Variants in UTP20 observed in about 807,000 individuals in gnomAD.
UTP20 encodes the protein UTP20 small subunit processome component.
In UTP20, 164 loss-of-function variants were observed where a neutral mutation model predicts 329.5. The ratio of observed to expected loss-of-function variants is 0.50; its 90% CI spans 0.44 to 0.57. The LOEUF (loss-of-function observed/expected upper bound fraction) is 0.57, where lower values mean the gene tolerates loss of function less well. Among genes scored for constraint, UTP20 ranks in the 20% least tolerant of loss-of-function variants. UTP20 has a pLI of 0.00. For synonymous variants in UTP20, 1,151 were observed against 1,159.3 expected, an observed-to-expected ratio of 0.99 and a Z score of 0.14; for missense variants, 3,055 against 3,284.2, an observed-to-expected ratio of 0.93 and a Z score of 1.71.
rs774350834 is a variant in UTP20, at chr12:101,305,944, T to A, written c.1811T>A (p.Leu604Gln). Residue 604 changes from leucine (L) to glutamine (Q), a missense_variant, in exon 16 of 62, where the codon CTG becomes CAG. Coordinates refer to ENST00000261637, the MANE Select transcript of UTP20 (RefSeq NM_014503.3). Reference sequence around the variant, plus strand: ...TTTCCCCTGGAGCCATCTGTGTTGCTGTTGACTGATCTCTATTATCAGAGA... The same window carrying A: ...TTTCCCCTGGAGCCATCTGTGTTGCAGTTGACTGATCTCTATTATCAGAGA... ...LTFPLEPSVLLLTDLYYQRLA... is the reference protein window; with the variant it reads ...LTFPLEPSVLQLTDLYYQRLA... 2 of 1,612,304 alleles carry A rather than the reference T, an allele frequency of 1.2e-6. No homozygotes were observed. Among genetic ancestry groups the A allele is most frequent in the South Asian group, 2.2e-5 (2 of 90,818 alleles).
chr12:101,360,722 G>A (rs1369042781), intron 43 of UTP20, among the ~76,000 whole-genome samples: 3 of 152,022 alleles, frequency 2.0e-5, no homozygotes, highest in East Asian at 1.9e-4. Flanking sequence ...CCAGCTACTC[G>A]GGAGGCTGAG....
intron 27 of UTP20, among the ~76,000 whole-genome samples, chr12:101,332,192 C>T (rs978985716): frequency 2.6e-5 from 4 of 151,844 alleles, no homozygotes; most frequent in Admixed American, 6.6e-5. Flanking sequence ...ACAAAATGAA[C>T]GGGGCGTGGT....
intron 23 of UTP20, among the ~76,000 whole-genome samples, chr12:101,319,921 T>C (rs1340337588): frequency 6.6e-6 from 1 of 152,200 alleles, no homozygotes; most frequent in Non-Finnish European, 1.5e-5. Flanking sequence ...GGAAATTAGC[T>C]TTTAGAAGGG....
At chr12:101,305,681 G>T (rs1337330557) in intron 15 of UTP20, among the ~76,000 whole-genome samples, 1 of 151,034 alleles carries the variant, frequency 6.6e-6, no homozygotes, top group Non-Finnish European at 1.5e-5. Flanking sequence ...TTGGAGTCTA[G>T]CATATTCTGC....
chr12:101,282,490 G>A (rs1325604794), intron 2 of UTP20, among the ~76,000 whole-genome samples: 1 of 152,042 alleles, frequency 6.6e-6, no homozygotes, highest in African/African-American at 2.4e-5. Context: ...ATGGTGACTG[G>A]GATGGGGCAA....
In UTP20 at chr12:101,339,887, C is replaced by T. The variant is rs549221299; in HGVS notation, c.4014-636C>T. Among the ~76,000 whole-genome samples, 12 of 152,290 alleles carry T rather than the reference C, an allele frequency of 7.9e-5. No homozygotes were observed. In the South Asian group the frequency reaches 2.5e-3, roughly 32 times the overall value. ...ATATGTTCGAATCCTCTAGAAACTT[C>T]TTTGCAATGCATTTTAAAATACTAT... is the stretch of plus-strand genomic sequence containing the variant. On this transcript the variant is annotated intron_variant, in intron 31 of 61. Coordinates refer to ENST00000261637, the MANE Select transcript of UTP20 (RefSeq NM_014503.3).
chr12:101,313,424 T>C (rs1184589616), intron 21 of UTP20, among the ~76,000 whole-genome samples: 1 of 151,890 alleles, frequency 6.6e-6, no homozygotes, highest in Non-Finnish European at 1.5e-5. Context: ...TTTGGTGAAA[T>C]GAGAAGCCAT....
At position 101,365,535 on chromosome 12, in the gene UTP20, T is replaced by C; in HGVS notation, c.6035T>C (p.Ile2012Thr). 1.9e-6 allele frequency: 3 copies of C among 1,613,264 alleles called. No individual in the cohort carries two copies. The highest frequency in any genetic ancestry group is 2.5e-6 in the Non-Finnish European group (3 of 1,179,724). Residue 2012 changes from isoleucine to threonine, a missense_variant, in exon 46 of 62, where the codon ATT (isoleucine) becomes ACT (threonine). Coordinates refer to ENST00000261637, the MANE Select transcript of UTP20 (RefSeq NM_014503.3). ...ETLRRITVGL[I>T]VNQEMTAESI... ...TTACGCCGAATCACAGTGGGATTAA[T>C]TGTAAATCAGGAAATGACAGCTGAA...
At chr12:101,381,095 A>G (rs1429836667) in intron 57 of UTP20, 45 bp from the exon 58 acceptor site, 1 of 1,490,070 alleles carries the variant, frequency 6.7e-7, no homozygotes, top group East Asian at 2.3e-5. Flanking sequence ...AAACAATCAG[A>G]AATGTCCTGT....
intron 18 of UTP20, among the ~76,000 whole-genome samples, chr12:101,309,208 A>T (rs926084026): frequency 6.6e-6 from 1 of 152,232 alleles, no homozygotes; most frequent in Non-Finnish European, 1.5e-5. Flanking sequence ...TGGAAAAAAG[A>T]CTGCTTCTAG....
rs1212683806 is a variant in UTP20, at chr12:101,321,540, TAAGG to T, written c.2956_2959del (p.Glu986ArgfsTer2). The stretch of plus-strand genomic sequence containing the variant: ...AAAGGTTGCTTGAAGACAGAAGCTT[TAAGG>T]AAGAGATAGTGCATTTTAGCATTTC... On this transcript the variant is annotated frameshift_variant, in exon 25 of 62. Coordinates refer to ENST00000261637, the MANE Select transcript of UTP20 (RefSeq NM_014503.3). LOFTEE classifies it high-confidence loss of function. 6.2e-7 allele frequency: 1 copy of T among 1,613,614 alleles called. No individual in the cohort carries two copies. Among genetic ancestry groups the T allele is most frequent in the Admixed American group, 1.7e-5 (1 of 60,022 alleles).
chr12:101,385,263 C>G (rs766222918), intron 60 of UTP20, among the ~76,000 whole-genome samples: 4 of 152,120 alleles, frequency 2.6e-5, no homozygotes, highest in South Asian at 2.1e-4. Context: ...TTAATGTCTT[C>G]AGGGCCAGGT....
chr12:101,335,828 TG>T (rs1254350746), intron 29 of UTP20, among the ~76,000 whole-genome samples: 16 of 152,246 alleles, frequency 1.1e-4, no homozygotes, highest in African/African-American at 3.4e-4. Context: ...ACTAATAGTA[TG>T]TTCTCTACAT....
rs1403024580 is a variant in UTP20, at chr12:101,381,233, G to C, written c.7656+22G>C. 3 of 1,603,628 alleles carry C rather than the reference G, an allele frequency of 1.9e-6. No individual in the cohort carries two copies. In the South Asian group the frequency reaches 3.3e-5, roughly 18 times the overall value. On this transcript the variant is annotated intron_variant, in intron 58 of 61. Coordinates refer to ENST00000261637, the MANE Select transcript of UTP20 (RefSeq NM_014503.3). ...ACAGGTAAGAATTGTAGTTCTCCCA[G>C]TTTAAAAGAAGGGGCCGGCTGGGCA...
In UTP20 at chr12:101,386,079, A is replaced by G; in HGVS notation, c.8314A>G (p.Arg2772Gly). ...CCTGCGTCCAGGATATAAGGCCAAG[A>G]GACAAAAAAGCCATAGCCTGAAAGA... is the stretch of plus-strand genomic sequence containing the variant. ...EFLRPGYKAK[R>G]QKSHSLKDLA... is the part of the protein sequence containing the mutation. Residue 2772 changes from arginine (R) to glycine (G), a missense_variant, in exon 62 of 62, where the codon AGA becomes GGA. By Grantham distance (125) the Arg-to-Gly change is moderately radical. Around this residue, in one of 3 missense-constraint regions of UTP20, gnomAD observed 337 missense variants for 345.5 expected, o/e 0.98. Coordinates refer to ENST00000261637, the MANE Select transcript of UTP20 (RefSeq NM_014503.3). The G allele has an allele frequency of 6.2e-7, 1 of 1,608,858 alleles. No individual in the cohort carries two copies. The highest frequency in any genetic ancestry group is 8.5e-7 in the Non-Finnish European group (1 of 1,179,120).
At chr12:101,301,030 G>A (rs1872507505) in intron 14 of UTP20, among the ~76,000 whole-genome samples, 1 of 152,044 alleles carries the variant, frequency 6.6e-6, no homozygotes, top group South Asian at 2.1e-4. Flanking sequence ...GCATATATAT[G>A]TATATATACA....
chr12:101,296,309 C>T (rs974286752), intron 12 of UTP20, among the ~76,000 whole-genome samples: 11 of 152,250 alleles, frequency 7.2e-5, no homozygotes, highest in Non-Finnish European at 1.2e-4. Context: ...CGGTGGCTCA[C>T]GCCTGTAATC....
At position 101,291,795 on chromosome 12, in the gene UTP20, T is replaced by C; in HGVS notation, c.945T>C (p.Ser315=). ...TAACAAAAACTAACTGTTGTGAAAG[T>C]TCTGAACAGATTAAAAGGTTGTTGG... The part of the protein sequence containing the change: ...TKVTKTNCCE[S]SEQIKRLLET... Residue 315 remains serine, a synonymous_variant, in exon 9 of 62, where the codon AGT becomes AGC. Coordinates refer to ENST00000261637, the MANE Select transcript of UTP20 (RefSeq NM_014503.3). 1.2e-6 allele frequency: 2 copies of C among 1,612,696 alleles called. No homozygotes were observed. Among genetic ancestry groups the C allele is most frequent in the Non-Finnish European group, 1.7e-6 (2 of 1,179,618 alleles).
chr12:101,324,035 G>A (rs907211360), intron 25 of UTP20, among the ~76,000 whole-genome samples: 1 of 151,962 alleles, frequency 6.6e-6, no homozygotes, highest in Non-Finnish European at 1.5e-5. Context: ...GATTTGGGAG[G>A]CTGAGGCAGG....
Sources: allele counts gnomAD v4.1 joint callset (sites outside exome capture counted in the v4.1 genomes callset), GRCh38; gene constraint gnomAD v4.1.1; regional missense constraint gnomAD v4.1.1; transcripts MANE v1.5; gene names NCBI Gene and HGNC (gene_info 2026-07-23, HGNC 2026-07-21).